The following UBR1 variants were observed in gnomAD, a reference collection of about 807,000 sequenced individuals.
UBR1 encodes ubiquitin protein ligase E3 component n-recognin 1.
A neutral mutation model predicts 242.1 loss-of-function variants in UBR1; 102 were observed. That is an observed-to-expected ratio of 0.42 (90% confidence interval 0.36 to 0.50). UBR1 has a LOEUF of 0.50. Ranked by LOEUF, UBR1 falls within the 20% of genes least tolerant of loss-of-function variation. The probability of loss-of-function intolerance (pLI) is 0.01; values close to 1 mark genes in which losing one functional copy is unlikely to be tolerated. For synonymous variants in UBR1, 675 were observed against 684.8 expected (o/e 0.99, Z 0.22); for missense variants, 1,772 against 2,101.8 (o/e 0.84, Z 3.07).
chr15:43,082,442 G>C (rs1327840674), intron 3 of UBR1, among the ~76,000 whole-genome samples, 196 bp downstream of exon 3: 1 of 152,100 alleles, frequency 6.6e-6, no homozygotes, highest in Non-Finnish European at 1.5e-5. Flanking sequence ...ATCTGATCTT[G>C]AGTCTCCCTA....
At chr15:43,024,735 G>C (rs2033157177) in intron 25 of UBR1, 94 bp downstream of exon 25, 1 of 1,554,130 alleles carries the variant, frequency 6.4e-7, no homozygotes, top group East Asian at 2.2e-5. Context: ...CGGTGCTCTA[G>C]ATGTGGTTCC....
intron 14 of UBR1, among the ~76,000 whole-genome samples, chr15:43,046,574 C>T (rs563616559): frequency 6.6e-4 from 100 of 152,058 alleles, no homozygotes; most frequent in African/African-American, 2.2e-3. Flanking sequence ...ATAGTGAAGA[C>T]GCAGAAAAAC....
intron 42 of UBR1, 132 bp downstream of exon 42, chr15:42,963,803 A>T: frequency 1.4e-6 from 1 of 690,788 alleles, no homozygotes; most frequent in South Asian, 1.6e-5. Flanking sequence ...TAAGTGTGTA[A>T]CTTAGGAATC....
chr15:43,094,982 T>A (rs1033212020), intron 1 of UBR1, among the ~76,000 whole-genome samples: 4 of 152,236 alleles, frequency 2.6e-5, no homozygotes, highest in African/African-American at 9.6e-5. Context: ...TGTTGTATTC[T>A]CTTTTTCATC....
chr15:43,061,678 G>A (rs1461547578), intron 6 of UBR1, among the ~76,000 whole-genome samples: 1 of 152,054 alleles, frequency 6.6e-6, no homozygotes, highest in Non-Finnish European at 1.5e-5. Context: ...TGAGATTGGA[G>A]ACTATTATTC....
intron 39 of UBR1, among the ~76,000 whole-genome samples, chr15:42,972,716 G>A (rs2032227247): frequency 1.3e-5 from 2 of 152,050 alleles, no homozygotes; most frequent in Admixed American, 1.3e-4. Flanking sequence ...CCACTCTCTG[G>A]ATATACTGTA....
chr15:42,950,672 T>C, intron 45 of UBR1: 2 of 368,078 alleles, frequency 5.4e-6, no homozygotes, highest in Non-Finnish European at 1.0e-5. Flanking sequence ...AAATGGTGGC[T>C]GGGGTTGTTT....
chr15:42,982,543 A>C (rs2032393516), intron 37 of UBR1, among the ~76,000 whole-genome samples: 1 of 152,224 alleles, frequency 6.6e-6, no homozygotes, highest in Non-Finnish European at 1.5e-5. Context: ...GAAAATATAA[A>C]AGCTAAGCAT....
At chr15:43,029,504 C>T (rs978548442) in intron 21 of UBR1, among the ~76,000 whole-genome samples, 1 of 152,180 alleles carries the variant, frequency 6.6e-6, no homozygotes, top group Non-Finnish European at 1.5e-5. Context: ...GCCATTGAAG[C>T]CCAGCAGTCT....
chr15:43,019,180 G>A (rs2033070466), intron 27 of UBR1, among the ~76,000 whole-genome samples: 1 of 152,014 alleles, frequency 6.6e-6, no homozygotes, highest in Non-Finnish European at 1.5e-5. Context: ...TCCTGCCTCA[G>A]CCTCCTGAGT....
chr15:43,084,247 G>T (rs947963999), intron 2 of UBR1, among the ~76,000 whole-genome samples: 1 of 151,928 alleles, frequency 6.6e-6, no homozygotes, highest in Non-Finnish European at 1.5e-5. Flanking sequence ...ATGTTTAGCA[G>T]GAATCTTGGC....
In UBR1 at chr15:43,004,641, G is replaced by T. The variant is rs531825663; in HGVS notation, c.3416-711C>A. 2.0e-5 allele frequency among the ~76,000 whole-genome samples: 3 copies of T among 152,286 alleles called. No homozygotes were observed. The South Asian group carries it at 6.2e-4, about 32-fold the overall frequency. ...AGTGATCTGCCTGCCTCAGCCTCCC[G>T]AGGTGCCGGGATTGCAGACGGAGTC... On this transcript the variant is annotated intron_variant, in intron 30 of 46. Coordinates refer to ENST00000290650, the MANE Select transcript of UBR1 (RefSeq NM_174916.3).
chr15:43,048,563 A>T lies in UBR1; in HGVS notation c.1440-72T>A, dbSNP rs2033514474. On this transcript the variant is annotated intron_variant, in intron 12 of 46. Coordinates refer to ENST00000290650, the MANE Select transcript of UBR1 (RefSeq NM_174916.3). ...ATAATTTTAAGGTTCTCAGGGTTAT[A>T]GACAATGTTGATTTATAAAAATTAT... is the stretch of plus-strand genomic sequence containing the variant. 5 of 1,186,680 alleles carry T rather than the reference A, an allele frequency of 4.2e-6. No homozygotes were observed. In the South Asian group the frequency reaches 6.7e-5, roughly 16 times the overall value. The allele number at this position is 1,186,680 out of a possible 1,614,324, so 73.5% of individuals were successfully genotyped here.
chr15:42,949,287 G>T (rs1240495192), intron 46 of UBR1, among the ~76,000 whole-genome samples: 3 of 110,528 alleles, frequency 2.7e-5, no homozygotes, highest in African/African-American at 6.9e-5. Flanking sequence ...TGTGGGGTGG[G>T]GGGAGGGGGG....
intron 33 of UBR1, among the ~76,000 whole-genome samples, chr15:42,994,051 ATCTC>A (rs1282760399): frequency 1.3e-5 from 2 of 152,032 alleles, no homozygotes; most frequent in African/African-American, 2.4e-5. Flanking sequence ...TGATTTCTCC[ATCTC>A]TCTCTAGCTT....
At chr15:43,068,190 T>C (rs2033779287) in intron 5 of UBR1, among the ~76,000 whole-genome samples, 154 bp from the exon 6 acceptor site, 1 of 145,008 alleles carries the variant, frequency 6.9e-6, no homozygotes, top group Non-Finnish European at 1.5e-5. Context: ...TTTGATTTTT[T>C]TTTTTTTTTT....
intron 1 of UBR1, among the ~76,000 whole-genome samples, chr15:43,105,053 G>GT (rs1210835528): frequency 1.3e-5 from 2 of 152,032 alleles, no homozygotes; most frequent in Non-Finnish European, 2.9e-5. Context: ...ATAAAATAAT[G>GT]TTTTTATTAA....
intron 3 of UBR1, among the ~76,000 whole-genome samples, chr15:43,076,127 G>A (rs867007301): frequency 1.2e-4 from 18 of 148,092 alleles, no homozygotes; most frequent in Middle Eastern, 7.4e-3. Flanking sequence ...GGCGCGCGCC[G>A]CCACGCCTGA....
rs191658926 is a variant in UBR1 at position 43,060,095 on chromosome 15, G to A, written c.818C>T (p.Ala273Val). The change falls in exon 7 of 47, where the codon GCG becomes GTG. Residue 273 changes from alanine to valine, a missense_variant. Physicochemically the swap from Ala to Val is moderately conservative, Grantham distance 64. Coordinates refer to ENST00000290650, the MANE Select transcript of UBR1 (RefSeq NM_174916.3). ...IDKEGRRAVKAGAYAACQEAK... is the reference protein window; with the variant it reads ...IDKEGRRAVKVGAYAACQEAK... ...TTCCTGGCAAGCAGCATAAGCTCCC[G>A]CTTTAACAGCCCGACGACCCTAATT... 1.1e-5 allele frequency: 17 copies of A among 1,613,956 alleles called. No individual in the cohort carries two copies. In the Admixed American group the frequency reaches 1.2e-4, roughly 11 times the overall value.
Sources: allele counts gnomAD v4.1 joint callset (sites outside exome capture counted in the v4.1 genomes callset), GRCh38; gene constraint gnomAD v4.1.1; transcripts MANE v1.5; gene names NCBI Gene and HGNC (gene_info 2026-07-23, HGNC 2026-07-21).